SWI5: variants seen among roughly 807,000 people sequenced by gnomAD.
SWI5 encodes DNA repair protein SWI5 homolog.
SWI5 carries 12 observed loss-of-function variants against 17.0 expected under a neutral mutation model. That is an observed-to-expected ratio of 0.71 (90% CI 0.45 to 1.14). The LOEUF (loss-of-function observed/expected upper bound fraction) is 1.14, where lower values mean the gene tolerates loss of function less well. Ranked by LOEUF, SWI5 falls within the 50% of genes most tolerant of loss-of-function variation. The pLI, the probability that SWI5 is intolerant of heterozygous loss-of-function variation, is 0.00. For synonymous variants in SWI5, 61 were observed against 64.0 expected, an observed-to-expected ratio of 0.95 and a Z score of 0.22; for missense variants, 158 against 162.2, an observed-to-expected ratio of 0.97 and a Z score of 0.14.
Position 128,285,798 on chromosome 9 carries a change from G to A in SWI5, c.234-141G>A, listed in dbSNP as rs1831628412. 3 of 598,538 alleles carry A rather than the reference G, an allele frequency of 5.0e-6. No homozygotes were observed. In the East Asian group the frequency reaches 8.4e-5, roughly 17 times the overall value. The allele number at this position is 598,538 out of a possible 1,614,324, so 37.1% of individuals were successfully genotyped here. A position where few individuals can be genotyped will look rare whatever the true frequency, so the allele number is the denominator to read the frequency against. ...CCTGCTGTAAGCTTCATGAGGGCAG[G>A]GCCTATCTTGCTGTCACCATATCCC... On this transcript the variant is annotated intron_variant, in intron 3 of 4. Transcript: ENST00000418976. The surrounding 1 kb of genome is among the most constrained non-coding windows in gnomAD (Gnocchi z 4.8).
At position 128,285,548 on chromosome 9, in the gene SWI5, C is replaced by G. The variant is rs968567919; in HGVS notation, c.234-391C>G. ...AGGGAAAGCTGGCTCTTGAACGCCT[C>G]CTGGAGTTCCCCACACCTCTTGTTC... On this transcript the variant is annotated intron_variant, in intron 3 of 4. Transcript: ENST00000418976. This position sits in a 1 kb window ranked among gnomAD's most constrained non-coding sequence, Gnocchi z 4.8. Among the ~76,000 whole-genome samples the G allele has an allele frequency of 8.4e-4, 127 of 151,254 alleles. No individual in the cohort carries two copies. Among genetic ancestry groups the G allele is most frequent in the African/African-American group, 2.9e-3 (119 of 41,174 alleles).
At chr9:128,278,223 T>C (rs1211672498) in intron 2 of SWI5, among the ~76,000 whole-genome samples, 1 of 152,076 alleles carries the variant, frequency 6.6e-6, no homozygotes, top group East Asian at 1.9e-4. Flanking sequence ...CCCAAAGTGC[T>C]GGGATTACAG....
chr9:128,276,801 C>G, intron 2 of SWI5, 46 bp downstream of exon 2: 1 of 1,558,500 alleles, frequency 6.4e-7, no homozygotes, highest in Non-Finnish European at 8.7e-7. Context: ...CTCGACCTTC[C>G]CTTGTGCGCT....
chr9:128,284,934 C>T (rs999395094), intron 3 of SWI5, among the ~76,000 whole-genome samples: 3 of 108,952 alleles, frequency 2.8e-5, no homozygotes, highest in East Asian at 3.0e-4. Flanking sequence ...CCAGCCTGGG[C>T]GATGGAGTGA....
chr9:128,284,485 G>C (rs377141060), intron 2 of SWI5, 25 bp from the exon 3 acceptor site: 10 of 1,609,596 alleles, frequency 6.2e-6, no homozygotes, highest in Non-Finnish European at 7.6e-6. Flanking sequence ...GGTCAGTCTG[G>C]CTGATGACTT....
intron 2 of SWI5, among the ~76,000 whole-genome samples, chr9:128,283,462 G>A (rs776035069): frequency 2.6e-5 from 4 of 151,720 alleles, no homozygotes; most frequent in Admixed American, 6.6e-5. Context: ...ATGCCACTGC[G>A]CTCCAGCCTG....
chr9:128,286,085 C>A, intron 4 of SWI5, 52 bp downstream of exon 4: 1 of 1,385,374 alleles, frequency 7.2e-7, no homozygotes, highest in Non-Finnish European at 1.0e-6. Context: ...GGTGTCGTCT[C>A]GCCTAGGGGT....
intron 2 of SWI5, 108 bp downstream of exon 2, chr9:128,276,863 C>G (rs1157306215): frequency 4.3e-6 from 5 of 1,175,238 alleles, no homozygotes; most frequent in Non-Finnish European, 6.0e-6. Flanking sequence ...TGGCCCTCTT[C>G]CATATCTTCT....
At chr9:128,278,147 T>C (rs1588501820) in intron 2 of SWI5, among the ~76,000 whole-genome samples, 1 of 151,772 alleles carries the variant, frequency 6.6e-6, no homozygotes, top group Non-Finnish European at 1.5e-5. Flanking sequence ...TAGAGACAAA[T>C]TTTCGCCATG....
intron 4 of SWI5, among the ~76,000 whole-genome samples, chr9:128,286,986 A>G (rs1459513943): frequency 6.6e-6 from 1 of 151,998 alleles, no homozygotes; most frequent in Non-Finnish European, 1.5e-5. Flanking sequence ...TCTACTAAAA[A>G]TATAAAATTA....
chr9:128,279,601 C>G (rs1400399492), intron 2 of SWI5, among the ~76,000 whole-genome samples: 1 of 152,200 alleles, frequency 6.6e-6, no homozygotes, highest in East Asian at 1.9e-4. Context: ...ACTGTTTCTT[C>G]TACCACTATC....
chr9:128,284,738 T>G, intron 3 of SWI5, 107 bp downstream of exon 3: 1 of 1,361,644 alleles, frequency 7.3e-7, no homozygotes, highest in South Asian at 1.4e-5. Context: ...GGTGGATCAC[T>G]TGAGGTCAGG....
chr9:128,278,792 A>C (rs1159069899), intron 2 of SWI5: 1 of 417,262 alleles, frequency 2.4e-6, no homozygotes, highest in East Asian at 7.4e-5. Context: ...TTTTTATTTG[A>C]GACGGAATCT....
chr9:128,284,416 G>A, intron 2 of SWI5, 94 bp from the exon 3 acceptor site: 1 of 1,483,610 alleles, frequency 6.7e-7, no homozygotes, highest in Non-Finnish European at 9.0e-7. Flanking sequence ...GTGCCTATTA[G>A]CAAGCAGAAG....
intron 4 of SWI5, 38 bp from the exon 5 acceptor site, chr9:128,288,614 T>G: frequency 6.2e-7 from 1 of 1,611,604 alleles, no homozygotes; most frequent in Non-Finnish European, 8.5e-7. Context: ...CTCCCACCTC[T>G]CCCCACTGCA....
intron 1 of SWI5, 31 bp from the exon 2 acceptor site, chr9:128,276,676 A>C: frequency 1.9e-6 from 3 of 1,613,852 alleles, no homozygotes; most frequent in Non-Finnish European, 2.5e-6. Context: ...CTGTGGGTCC[A>C]ATCAGACTTT....
chr9:128,286,380 C>A, intron 4 of SWI5: 1 of 238,610 alleles, frequency 4.2e-6, no homozygotes, highest in Non-Finnish European at 8.3e-6. Context: ...AAAGAGGCTG[C>A]AAGTGCAAGG....
upstream of SWI5, chr9:128,276,035 G>C (rs760399940): frequency 8.2e-6 from 13 of 1,590,028 alleles, no homozygotes; most frequent in Non-Finnish European, 1.1e-5. Flanking sequence ...CTGTGCGACG[G>C]AGCCAGAGGA....
chr9:128,285,123 C>T lies in SWI5; in HGVS notation c.233+492C>T, dbSNP rs143039058. On this transcript the variant is annotated intron_variant, in intron 3 of 4. Coordinates refer to ENST00000418976, the Ensembl canonical transcript of SWI5. This position sits in a 1 kb window ranked among gnomAD's most constrained non-coding sequence, Gnocchi z 4.8. Reference sequence around the variant, plus strand: ...CAGAGGTTGCAGTGAGGCGAGATCGCGCCACTGCACTCCAGCCTGGCTACA... The same window carrying T: ...CAGAGGTTGCAGTGAGGCGAGATCGTGCCACTGCACTCCAGCCTGGCTACA... Among the ~76,000 whole-genome samples, 77 of 151,738 alleles carry T rather than the reference C, an allele frequency of 5.1e-4. No individual in the cohort carries two copies. Among genetic ancestry groups the T allele is most frequent in the African/African-American group, 1.8e-3 (74 of 41,348 alleles).
Sources: gnomAD v4.1 joint callset for allele counts (sites outside exome capture counted in the v4.1 genomes callset) on GRCh38, gnomAD v4.1.1 for gene constraint, Gnocchi (gnomAD v3.1) non-coding constraint, MANE v1.5 for transcripts, NCBI Gene and HGNC (gene_info 2026-07-23, HGNC 2026-07-21) for gene names.